Variants in SYTL5 observed in about 807,000 individuals in gnomAD.
SYTL5 encodes synaptotagmin like 5, also known as synaptotagmin-like protein 5.
In SYTL5, 34 loss-of-function variants were observed where a neutral mutation model predicts 55.9. The ratio of observed to expected loss-of-function variants is 0.61; its 90% CI spans 0.46 to 0.81. The LOEUF is 0.81. SYTL5 is among the 30% of genes least tolerant of loss of function. The probability of loss-of-function intolerance (pLI) is 0.00; values close to 1 mark genes in which losing one functional copy is unlikely to be tolerated. For synonymous variants in SYTL5, 221 were observed against 188.7 expected (o/e 1.17, Z -1.40); for missense variants, 637 against 546.7 (o/e 1.17, Z -1.65).
At chrX:37,989,468 A>G in the SYTL5 span, among the ~76,000 whole-genome samples, 2 of 112,038 alleles carry the variant, frequency 1.8e-5, no homozygotes, top group Non-Finnish European at 3.8e-5. Context: ...AAATAAAGGA[A>G]CAATGACTGA....
At chrX:38,116,876 G>T (rs1384586363) in intron 13 of SYTL5, among the ~76,000 whole-genome samples, 2 of 112,155 alleles carry the variant, frequency 1.8e-5, no homozygotes, top group Non-Finnish European at 3.8e-5. Flanking sequence ...TATTCACGAG[G>T]GATGAAGAAC....
chrX:37,909,425 A>C, the SYTL5 span, among the ~76,000 whole-genome samples: 2 of 111,955 alleles, frequency 1.8e-5, no homozygotes, highest in Admixed American at 1.9e-4. Flanking sequence ...GACAGCTTTG[A>C]ATGTGGCTCA....
the SYTL5 span, among the ~76,000 whole-genome samples, chrX:37,891,775 G>C: frequency 1.8e-5 from 2 of 111,216 alleles, no homozygotes; most frequent in Non-Finnish European, 3.8e-5. Context: ...AAACAAACAT[G>C]GTTCTCTTTA....
rs112896456 is a variant in SYTL5, at chrX:38,103,194, C to T, written c.1155+760C>T. Reference sequence around the variant, plus strand: ...AATTTGTCCCACATTTATCTTTTTCCGACTTATATACAATTAACCAGAGGT... The same window carrying T: ...AATTTGTCCCACATTTATCTTTTTCTGACTTATATACAATTAACCAGAGGT... On this transcript the variant is annotated intron_variant, in intron 10 of 16. Transcript: ENST00000297875. 3,043 of 557,709 alleles carry T rather than the reference C, an allele frequency of 5.5e-3. 78 individuals are homozygous for T. In the East Asian group the frequency reaches 0.081, roughly 15 times the overall value. 46.0% of individuals were successfully genotyped at this position (557,709 alleles called of 1,213,427 possible). A position where few individuals can be genotyped will look rare whatever the true frequency, so the allele number is the denominator to read the frequency against.
intron 15 of SYTL5, among the ~76,000 whole-genome samples, chrX:38,122,804 C>T (rs1048852016): frequency 1.8e-5 from 2 of 112,242 alleles, no homozygotes; most frequent in African/African-American, 6.5e-5. Flanking sequence ...AACATCAAAT[C>T]CCTTTTGATT....
intron 2 of SYTL5, among the ~76,000 whole-genome samples, chrX:38,035,497 G>C (rs376630446): frequency 2.8e-5 from 3 of 108,504 alleles, no homozygotes; most frequent in Non-Finnish European, 5.8e-5. Context: ...AGGCTGAGGC[G>C]GGAGAATGGC....
At chrX:37,966,436 CTTT>C in the SYTL5 span, among the ~76,000 whole-genome samples, 4 of 78,152 alleles carry the variant, frequency 5.1e-5, no homozygotes, top group African/African-American at 9.8e-5. Flanking sequence ...TTTTCTTTTT[CTTT>C]TTTTTTTTTT....
the SYTL5 span, among the ~76,000 whole-genome samples, chrX:37,925,211 T>A: frequency 8.9e-6 from 1 of 112,038 alleles, no homozygotes; most frequent in Non-Finnish European, 1.9e-5. Flanking sequence ...ATTTTTAATC[T>A]TTTCTAATCT....
At chrX:38,087,026 C>T (rs1215815111) in intron 6 of SYTL5, among the ~76,000 whole-genome samples, 1 of 111,367 alleles carries the variant, frequency 9.0e-6, no homozygotes, top group Non-Finnish European at 1.9e-5. Flanking sequence ...AGAGCTTCTA[C>T]ATAAGTAGCA....
chrX:37,998,202 G>A, the SYTL5 span, among the ~76,000 whole-genome samples: 1 of 112,323 alleles, frequency 8.9e-6, no homozygotes, highest in Non-Finnish European at 1.9e-5. Context: ...ATTCTTCCTG[G>A]TCACAAGACA....
At chrX:37,897,545 T>C in the SYTL5 span, among the ~76,000 whole-genome samples, 3 of 109,498 alleles carry the variant, frequency 2.7e-5, no homozygotes, top group Middle Eastern at 4.3e-3. Flanking sequence ...ACATGTCTCA[T>C]GTGAGAGTAT....
the SYTL5 span, among the ~76,000 whole-genome samples, chrX:37,971,917 A>G: frequency 9.2e-6 from 1 of 108,856 alleles, no homozygotes; most frequent in African/African-American, 3.4e-5. Flanking sequence ...GCAGGACTCT[A>G]CAGTTTGTCA....
intron 1 of SYTL5, among the ~76,000 whole-genome samples, chrX:38,024,997 G>C (rs911123418): frequency 2.0e-4 from 22 of 111,942 alleles, no homozygotes; most frequent in Non-Finnish European, 3.8e-5. Flanking sequence ...CGTTGTAAAA[G>C]TACTACTTTT....
intron 7 of SYTL5, among the ~76,000 whole-genome samples, chrX:38,092,792 A>G (rs1026353317): frequency 1.3e-4 from 15 of 111,614 alleles, no homozygotes; most frequent in African/African-American, 4.6e-4. Context: ...TAACCATCAC[A>G]GAAAACTTTT....
At chrX:37,902,777 A>T in the SYTL5 span, among the ~76,000 whole-genome samples, 1 of 112,118 alleles carries the variant, frequency 8.9e-6, no homozygotes, top group African/African-American at 3.2e-5. Flanking sequence ...TGTTTCAGGG[A>T]TGGACACATG....
At chrX:37,927,505 G>A in the SYTL5 span, among the ~76,000 whole-genome samples, 1 of 111,269 alleles carries the variant, frequency 9.0e-6, no homozygotes, top group South Asian at 3.8e-4. Flanking sequence ...GCTAGGTGTG[G>A]TGGCTCACTC....
the SYTL5 span, among the ~76,000 whole-genome samples, chrX:37,966,392 C>G: frequency 9.3e-6 from 1 of 108,073 alleles, no homozygotes; most frequent in Non-Finnish European, 1.9e-5. Flanking sequence ...TTTACCTCTG[C>G]TTCACACATT....
chrX:38,054,404 C>G lies in SYTL5; in HGVS notation c.311C>G (p.Thr104Ser), dbSNP rs373682306. The part of the protein sequence containing the change: ...VAGPNGSWKC[T>S]VCDKIAQLRI... ...GGCCCCAATGGCAGCTGGAAGTGCA[C>G]TGTCTGTGACAAAATCGCGTGAGTT... is the stretch of plus-strand genomic sequence containing the variant. The change falls in exon 3 of 17, where the codon ACT becomes AGT. Residue 104 changes from threonine to serine, a missense_variant. Physicochemically the swap from Thr to Ser is moderately conservative, Grantham distance 58 (BLOSUM62 1). Transcript: ENST00000297875. The G allele has an allele frequency of 1.7e-5, 21 of 1,209,671 alleles. No individual in the cohort carries two copies. The highest frequency in any genetic ancestry group is 2.3e-5 in the Non-Finnish European group (21 of 894,184).
intron 1 of SYTL5, among the ~76,000 whole-genome samples, chrX:38,029,066 C>A (rs766202481): frequency 1.8e-5 from 2 of 111,872 alleles, no homozygotes; most frequent in South Asian, 7.5e-4. Context: ...ATTCTTATAC[C>A]TTTTATAACT....
Sources: allele counts gnomAD v4.1 joint callset (sites outside exome capture counted in the v4.1 genomes callset), GRCh38; gene constraint gnomAD v4.1.1; transcripts MANE v1.5; gene names NCBI Gene and HGNC (gene_info 2026-07-23, HGNC 2026-07-21).